The following IKZF5 variants were observed in gnomAD, a reference collection of about 807,000 sequenced individuals.
IKZF5 encodes the protein IKAROS family zinc finger 5.
In IKZF5, 4 loss-of-function variants were observed where a neutral mutation model predicts 30.7. The ratio of observed to expected loss-of-function variants is 0.13; its 90% confidence interval spans 0.06 to 0.30. IKZF5 has a LOEUF of 0.30. IKZF5 is among the 10% of genes least tolerant of loss of function. IKZF5 has a pLI of 1.00. For synonymous variants in IKZF5, 148 were observed against 179.6 expected (o/e 0.82, Z 1.41); for missense variants, 348 against 525.5 (o/e 0.66, Z 3.30).
chr10:123,003,032 T>C (rs1849648033), intron 2 of IKZF5, among the ~76,000 whole-genome samples: 1 of 149,808 alleles, frequency 6.7e-6, no homozygotes, highest in African/African-American at 2.4e-5. Context: ...ACTTTTTCTT[T>C]TCTTTTTTTT....
rs1394783820 is a variant in IKZF5 at position 122,992,287 on chromosome 10, G to A, written c.*1493C>T. 6.6e-6 allele frequency: 1 copy of A among 152,022 alleles called. No individual in the cohort carries two copies. Among genetic ancestry groups the A allele is most frequent in the Admixed American group, 6.5e-5 (1 of 15,272 alleles). The allele number at this position is 152,022 out of a possible 1,614,324, so 9.4% of individuals were successfully genotyped here. On this transcript the variant is annotated 3_prime_UTR_variant, in exon 5 of 5. Coordinates refer to ENST00000368886, the MANE Select transcript of IKZF5 (RefSeq NM_001372123.1). The stretch of plus-strand genomic sequence containing the variant: ...TAACTTGGCACTTGGGGGTTTTGTG[G>A]GTACATACCACCAATATTTCCCTTT...
chr10:123,003,741 C>T (rs560724909), intron 2 of IKZF5, among the ~76,000 whole-genome samples: 40 of 152,290 alleles, frequency 2.6e-4, no homozygotes, highest in African/African-American at 8.2e-4. Flanking sequence ...GGTTCATCAA[C>T]GTGGTTGAAA....
Position 122,993,361 on chromosome 10 carries a change from G to C in IKZF5, c.*419C>G, listed in dbSNP as rs1438394923. The C allele has an allele frequency of 6.5e-6, 1 of 153,628 alleles. No individual in the cohort carries two copies. Among genetic ancestry groups the C allele is most frequent in the Non-Finnish European group, 1.5e-5 (1 of 68,804 alleles). 9.5% of individuals were successfully genotyped at this position (153,628 alleles called of 1,614,324 possible). A position where few individuals can be genotyped will look rare whatever the true frequency, so the allele number is the denominator to read the frequency against. On this transcript the variant is annotated 3_prime_UTR_variant, in exon 5 of 5. Transcript: ENST00000368886. ...CAATTTCTGTACTAAACACTGAAAT[G>C]AGTAGTAATAAATTCTGTAATTTAT...
At position 122,994,118 on chromosome 10, in the gene IKZF5, A is replaced by T; in HGVS notation, c.922T>A (p.Ser308Thr). The T allele has an allele frequency of 6.2e-7, 1 of 1,613,974 alleles. No individual in the cohort carries two copies. The highest frequency in any genetic ancestry group is 8.5e-7 in the Non-Finnish European group (1 of 1,180,012). Residue 308 changes from serine (S) to threonine (T), a missense_variant, in exon 5 of 5, where the codon TCC becomes ACC. Transcript: ENST00000368886. The surrounding 1 kb of genome is among the most constrained non-coding windows in gnomAD (Gnocchi z 5.6). ...SAVSASIPQS[S>T]SPTSPEPRPS... ...CGAGGTTCTGGGCTTGTGGGAGAGG[A>T]GCTCTGAGGAATACTTGCTGATACG...
chr10:123,001,995 C>A (rs1367456117), intron 2 of IKZF5, among the ~76,000 whole-genome samples: 1 of 152,208 alleles, frequency 6.6e-6, no homozygotes, highest in Non-Finnish European at 1.5e-5. Context: ...TACTTTACAA[C>A]CACTCAGTAA....
intron 2 of IKZF5, among the ~76,000 whole-genome samples, chr10:123,006,110 C>G (rs1272175900): frequency 6.6e-6 from 1 of 152,008 alleles, no homozygotes; most frequent in Non-Finnish European, 1.5e-5. Flanking sequence ...CAGTAGCGTC[C>G]CCCAATTTAT....
At chr10:123,001,572 T>A (rs1169641663) in intron 2 of IKZF5, among the ~76,000 whole-genome samples, 1 of 152,202 alleles carries the variant, frequency 6.6e-6, no homozygotes, top group Non-Finnish European at 1.5e-5. Flanking sequence ...GTCCCAGCAA[T>A]GTGTACCTAA....
intron 2 of IKZF5, among the ~76,000 whole-genome samples, chr10:123,002,567 G>C (rs1849628881): frequency 6.7e-6 from 1 of 150,044 alleles, no homozygotes. Context: ...GCTCATATCT[G>C]TAATTCCAGC....
rs1252137470 is a variant in IKZF5, at chr10:122,996,041, G to C, written c.269C>G (p.Ala90Gly). 1 of 1,613,960 alleles carries C rather than the reference G, an allele frequency of 6.2e-7. No individual in the cohort carries two copies. Among genetic ancestry groups the C allele is most frequent in the South Asian group, 1.1e-5 (1 of 91,086 alleles). ...GKLKCRYCNY[A>G]SKGTARLIEH... ...AATAAGCCGGGCTGTTCCTTTGCTG[G>C]CATAGTTGCAGTACCGACACTTAAG... Residue 90 changes from alanine (A) to glycine (G), a missense_variant, in exon 4 of 5, where the codon GCC (alanine) becomes GGC (glycine). Around this residue, in one of 4 missense-constraint regions of IKZF5, gnomAD observed 36 missense variants for 129.4 expected, o/e 0.28. Coordinates refer to ENST00000368886, the MANE Select transcript of IKZF5 (RefSeq NM_001372123.1).
chr10:122,995,376 C>T (rs1463188935), intron 4 of IKZF5, among the ~76,000 whole-genome samples: 1 of 152,152 alleles, frequency 6.6e-6, no homozygotes, highest in East Asian at 1.9e-4. Context: ...TAGAGTCATT[C>T]ATCTAGTAAG....
chr10:123,005,881 C>T (rs929816546), intron 2 of IKZF5, among the ~76,000 whole-genome samples: 3 of 152,148 alleles, frequency 2.0e-5, no homozygotes, highest in South Asian at 4.2e-4. Context: ...TATGGTAATT[C>T]GTTACAGCAA....
At position 122,993,931 on chromosome 10, in the gene IKZF5, T is replaced by C. The variant is rs1252322844; in HGVS notation, c.1109A>G (p.Asp370Gly). 3 of 1,614,036 alleles carry C rather than the reference T, an allele frequency of 1.9e-6. No individual in the cohort carries two copies. The highest frequency in any genetic ancestry group is 3.3e-5 in the Admixed American group (2 of 60,002). The change falls in exon 5 of 5, where the codon GAT becomes GGT. Residue 370 changes from aspartate to glycine, a missense_variant. Around this residue, in one of 4 missense-constraint regions of IKZF5, gnomAD observed 56 missense variants for 104.7 expected, o/e 0.53. Coordinates refer to ENST00000368886, the MANE Select transcript of IKZF5 (RefSeq NM_001372123.1). ...AAGGATGTTGTCTGCAAAGTACATATCACAGTGCTGGCAGTGGTGCAGAAG... is the reference window on the plus strand; with the variant it reads ...AAGGATGTTGTCTGCAAAGTACATACCACAGTGCTGGCAGTGGTGCAGAAG... ...PQLLHHCQHCDMYFADNILYT... is the reference protein window; with the variant it reads ...PQLLHHCQHCGMYFADNILYT...
At chr10:123,007,712 A>C (rs113090142) in intron 1 of IKZF5, among the ~76,000 whole-genome samples, 1 of 152,218 alleles carries the variant, frequency 6.6e-6, no homozygotes, top group Non-Finnish European at 1.5e-5. Context: ...CTAGGGGAAA[A>C]TAACACCAGA....
At chr10:122,998,867 G>A (rs1256630492) in intron 2 of IKZF5, among the ~76,000 whole-genome samples, 196 bp from the exon 3 acceptor site, 3 of 151,686 alleles carry the variant, frequency 2.0e-5, no homozygotes, top group East Asian at 1.9e-4. Flanking sequence ...ATATAAATAC[G>A]GATTCAAACT....
At chr10:123,001,207 C>G (rs566402167) in intron 2 of IKZF5, among the ~76,000 whole-genome samples, 2 of 151,942 alleles carry the variant, frequency 1.3e-5, no homozygotes, top group Non-Finnish European at 2.9e-5. Flanking sequence ...GTGGTTTCAC[C>G]GTGTTAGCCA....
At chr10:123,006,479 G>A (rs1487094182) in intron 2 of IKZF5, among the ~76,000 whole-genome samples, 2 of 152,098 alleles carry the variant, frequency 1.3e-5, no homozygotes, top group Non-Finnish European at 2.9e-5. Flanking sequence ...AAATTAGAAG[G>A]CATTCACAAC....
chr10:123,000,315 T>C (rs1270144255), intron 2 of IKZF5, among the ~76,000 whole-genome samples: 2 of 152,232 alleles, frequency 1.3e-5, no homozygotes, highest in African/African-American at 2.4e-5. Context: ...TTTATGTAAA[T>C]GGAATCACAC....
At position 122,992,869 on chromosome 10, in the gene IKZF5, T is replaced by TG. The variant is rs1464517850; in HGVS notation, c.*910dup. 1 of 152,516 alleles carries TG rather than the reference T, an allele frequency of 6.6e-6. No individual in the cohort carries two copies. Among genetic ancestry groups the TG allele is most frequent in the Non-Finnish European group, 1.5e-5 (1 of 68,004 alleles). The allele number at this position is 152,516 out of a possible 1,614,324, so 9.4% of individuals were successfully genotyped here. A position where few individuals can be genotyped will look rare whatever the true frequency, so the allele number is the denominator to read the frequency against. On this transcript the variant is annotated 3_prime_UTR_variant, in exon 5 of 5. Coordinates refer to ENST00000368886, the MANE Select transcript of IKZF5 (RefSeq NM_001372123.1). Reference sequence around the variant, plus strand: ...TTTCTTGGAAATTATGGGCAGAAAATGGATAGAAGGAAGGAAAAGGAATCT... The same window carrying TG: ...TTTCTTGGAAATTATGGGCAGAAAATGGGATAGAAGGAAGGAAAAGGAATCT...
intron 4 of IKZF5, 31 bp downstream of exon 4, chr10:122,995,963 G>T: frequency 6.2e-7 from 1 of 1,606,656 alleles, no homozygotes. Flanking sequence ...TGCCCTCACA[G>T]AAATGCTTTT....
Sources: gnomAD v4.1 joint callset for allele counts (sites outside exome capture counted in the v4.1 genomes callset) on GRCh38, gnomAD v4.1.1 for gene constraint, gnomAD v4.1.1 regional missense constraint, Gnocchi (gnomAD v3.1) non-coding constraint, MANE v1.5 for transcripts, NCBI Gene and HGNC (gene_info 2026-07-23, HGNC 2026-07-21) for gene names.